ZAN: variants seen among roughly 807,000 people sequenced by gnomAD.
ZAN encodes zonadhesin (gene/pseudogene).
A neutral mutation model predicts 286.2 loss-of-function variants in ZAN; 260 were observed. That is an observed-to-expected ratio of 0.91 (90% CI 0.82 to 1.01). ZAN has a LOEUF of 1.01. ZAN is among the 50% of genes least tolerant of loss of function. ZAN has a pLI of 0.00. For synonymous variants in ZAN, 1,368 were observed against 1,417.5 expected (o/e 0.97, Z 0.79); for missense variants, 3,410 against 3,639.2 (o/e 0.94, Z 1.62).
At chr7:100,791,234 G>A in intron 40 of ZAN, 121 bp downstream of exon 40, 2 of 1,294,964 alleles carry the variant, frequency 1.5e-6, no homozygotes, top group Non-Finnish European at 2.1e-6. Flanking sequence ...AGATAGGCCT[G>A]GATCCTCCCA....
Position 100,795,189 on chromosome 7 carries a change from C to G in ZAN, c.8126-7C>G. On this transcript the variant is annotated splice_region_variant and splice_polypyrimidine_tract_variant and intron_variant, in intron 44 of 47. Coordinates refer to ENST00000613979, the MANE Select transcript of ZAN (RefSeq NM_003386.3). The stretch of plus-strand genomic sequence containing the variant: ...CCCCCCTCCCACAACCCTCTCTGTC[C>G]TTGCAGAAAGCCCGTGTCTGCAGAA... 2 of 1,606,382 alleles carry G rather than the reference C, an allele frequency of 1.2e-6. 1 individual carries two copies. The highest frequency in any genetic ancestry group is 3.4e-4 in the Middle Eastern group (2 of 5,856).
Position 100,752,059 on chromosome 7 carries a change from GA to G in ZAN, c.1959del (p.Lys653AsnfsTer348). The G allele has an allele frequency of 1.2e-6, 2 of 1,612,426 alleles. No homozygotes were observed. Among genetic ancestry groups the G allele is most frequent in the South Asian group, 2.2e-5 (2 of 90,970 alleles). ...CTCAGAAAAACCCACCATTTCCACA[GA>G]AAAACCCACCGTCCCCACAGAAGAG... ...IPSEKPTIST[E>X]KPTVPTEEPT... is the part of the protein sequence containing the mutation. On this transcript the variant is annotated frameshift_variant, in exon 14 of 48. Coordinates refer to ENST00000613979, the MANE Select transcript of ZAN (RefSeq NM_003386.3). LOFTEE classifies it high-confidence loss of function.
At chr7:100,743,150 A>C (rs1030313962) in intron 7 of ZAN, among the ~76,000 whole-genome samples, 1 of 150,646 alleles carries the variant, frequency 6.6e-6, no homozygotes, top group African/African-American at 2.4e-5. Flanking sequence ...CAGCCTCCCG[A>C]GTAGCTGGGA....
chr7:100,762,358 A>G lies in ZAN; in HGVS notation c.3986A>G (p.Glu1329Gly), dbSNP rs773538298. Residue 1329 changes from glutamate to glycine, a missense_variant and splice_region_variant, in exon 20 of 48, where the codon GAG becomes GGG. Physicochemically the swap from Glu to Gly is moderately conservative, Grantham distance 98 (BLOSUM62 -2). Transcript: ENST00000613979. Reference sequence around the variant, plus strand: ...CAGACGGACCAGGACGAGGACCAGGAGTGAGCAAGGAGCCCTCCCACCGGG... The same window carrying G: ...CAGACGGACCAGGACGAGGACCAGGGGTGAGCAAGGAGCCCTCCCACCGGG... ...SWQTDQDEDQ[E>G]CQKYQVVNSP... The G allele has an allele frequency of 3.8e-6, 6 of 1,578,114 alleles. No individual in the cohort carries two copies. The highest frequency in any genetic ancestry group is 5.2e-6 in the Non-Finnish European group (6 of 1,157,232).
intron 7 of ZAN, among the ~76,000 whole-genome samples, chr7:100,742,264 C>T (rs1414414626): frequency 8.9e-6 from 1 of 111,958 alleles, no homozygotes; most frequent in Non-Finnish European, 1.9e-5. Flanking sequence ...ACATCTCAGA[C>T]GATGGGCGGC....
chr7:100,784,040 C>T (rs1339651133), intron 35 of ZAN, among the ~76,000 whole-genome samples: 1 of 150,766 alleles, frequency 6.6e-6, no homozygotes, highest in African/African-American at 2.4e-5. Flanking sequence ...TTGCTGTCAA[C>T]ACACCTACTG....
rs745319775 is a variant in ZAN at position 100,791,124 on chromosome 7, T to A, written c.7529+11T>A. 2 of 1,607,532 alleles carry A rather than the reference T, an allele frequency of 1.2e-6. No individual in the cohort carries two copies. The highest frequency in any genetic ancestry group is 3.4e-5 in the Admixed American group (2 of 59,366). On this transcript the variant is annotated intron_variant, in intron 40 of 47. Coordinates refer to ENST00000613979, the MANE Select transcript of ZAN (RefSeq NM_003386.3). ...CCTGCGCTTCCCCAGGTGCACGGCC[T>A]GGAAGGGATGAGGCGGGGGAGGTGA...
intron 28 of ZAN, 75 bp downstream of exon 28, chr7:100,770,049 G>A: frequency 1.4e-6 from 2 of 1,407,326 alleles, no homozygotes; most frequent in Non-Finnish European, 1.9e-6. Flanking sequence ...GTCAGGGAGG[G>A]AGAAACAACA....
rs767457513 is a variant in ZAN at position 100,758,365 on chromosome 7, G to A, written c.3451+22G>A. 7.5e-6 allele frequency: 12 copies of A among 1,606,736 alleles called. No homozygotes were observed. The East Asian group carries it at 2.5e-4, about 33-fold the overall frequency. ...TACGGTGAGAGCCCCTCCCCATGCT[G>A]TCCCTGCCTGCCAGCCAGTTGGAGT... On this transcript the variant is annotated intron_variant, in intron 16 of 47. Transcript: ENST00000613979.
At chr7:100,780,103 G>C (rs562559930) in intron 35 of ZAN, among the ~76,000 whole-genome samples, 1 of 151,880 alleles carries the variant, frequency 6.6e-6, no homozygotes, top group South Asian at 2.1e-4. Context: ...TGAGGCAGGA[G>C]AATTGCTTGA....
At chr7:100,769,825 G>A in intron 27 of ZAN, 55 bp from the exon 28 acceptor site, 1 of 1,490,322 alleles carries the variant, frequency 6.7e-7, no homozygotes, top group Non-Finnish European at 9.1e-7. Context: ...GGGATTATAG[G>A]CATGAGCCAC....
At position 100,763,730 on chromosome 7, in the gene ZAN, C is replaced by G. The variant is rs1051120030; in HGVS notation, c.3987-76C>G. 1.5e-5 allele frequency: 22 copies of G among 1,482,196 alleles called. No homozygotes were observed. The highest frequency in any genetic ancestry group is 1.7e-4 in the Middle Eastern group (1 of 5,736). 91.8% of individuals were successfully genotyped at this position (1,482,196 alleles called of 1,614,324 possible). Reference sequence around the variant, plus strand: ...TGGTTTGCCGGTCCCGGCCTGCCAGCCTTGCTGCCTGCTGGGTTAGGGATG... The same window carrying G: ...TGGTTTGCCGGTCCCGGCCTGCCAGGCTTGCTGCCTGCTGGGTTAGGGATG... On this transcript the variant is annotated intron_variant, in intron 20 of 47. Transcript: ENST00000613979. The surrounding 1 kb of genome is among the most constrained non-coding windows in gnomAD (Gnocchi z 4.6).
intron 35 of ZAN, among the ~76,000 whole-genome samples, chr7:100,781,467 G>A (rs919961103): frequency 8.5e-5 from 13 of 152,122 alleles, no homozygotes; most frequent in African/African-American, 3.1e-4. Context: ...GGCAACATGA[G>A]CACAGCAGCC....
At position 100,734,225 on chromosome 7, in the gene ZAN, A is replaced by C; in HGVS notation, c.53+4A>C. The C allele has an allele frequency of 6.9e-7, 1 of 1,442,784 alleles. No individual in the cohort carries two copies. The highest frequency in any genetic ancestry group is 2.5e-5 in the East Asian group (1 of 39,912). 89.4% of individuals were successfully genotyped at this position (1,442,784 alleles called of 1,614,324 possible). On this transcript the variant is annotated splice_donor_region_variant and intron_variant, in intron 2 of 47. Transcript: ENST00000613979. ...TGGTGGGGGCTGCCCTTTTCAGGTA[A>C]GCTGGGCCCAGGGGGTAATGATAAA...
chr7:100,782,303 A>G (rs779602641), intron 35 of ZAN, among the ~76,000 whole-genome samples: 11 of 152,052 alleles, frequency 7.2e-5, no homozygotes, highest in Non-Finnish European at 1.3e-4. Flanking sequence ...GCCCCACAGA[A>G]GCTACAAAAG....
At chr7:100,791,180 C>A in intron 40 of ZAN, 67 bp downstream of exon 40, 1 of 1,539,782 alleles carries the variant, frequency 6.5e-7, no homozygotes, top group Non-Finnish European at 8.7e-7. Flanking sequence ...TGGCCGCTAG[C>A]CCTCCTGTCC....
chr7:100,767,691 C>T (rs550636794), intron 25 of ZAN, 140 bp from the exon 26 acceptor site: 209 of 949,970 alleles, frequency 2.2e-4, no homozygotes, highest in Non-Finnish European at 2.8e-4. Context: ...GTTGCCCAGG[C>T]TGATCTCGAG....
chr7:100,743,009 G>C (rs1221060277), intron 7 of ZAN, among the ~76,000 whole-genome samples: 1 of 130,432 alleles, frequency 7.7e-6, no homozygotes, highest in Admixed American at 7.6e-5. Flanking sequence ...AAAAATCCAG[G>C]CGACACTCTT....
chr7:100,752,967 A>C lies in ZAN; in HGVS notation c.2862A>C (p.Lys954Asn). The C allele has an allele frequency of 6.2e-7, 1 of 1,605,376 alleles. No individual in the cohort carries two copies. The highest frequency in any genetic ancestry group is 8.5e-7 in the Non-Finnish European group (1 of 1,177,118). ...PTEKPTISPE[K>N]LTIPTEKPTI... is the part of the protein sequence containing the mutation. ...AAAAACCCACCATCTCCCCAGAAAA[A>C]CTCACCATCCCCACAGAAAAACCCA... The change falls in exon 14 of 48, where the codon AAA (lysine) becomes AAC (asparagine). Residue 954 changes from lysine to asparagine, a missense_variant. By Grantham distance (94) the Lys-to-Asn change is moderately conservative (BLOSUM62 0). This residue lies in a region of ZAN where 1,042 missense variants were observed against 1,058.0 expected (regional missense o/e 0.98). Transcript: ENST00000613979.
Sources: gnomAD v4.1 joint callset for allele counts (sites outside exome capture counted in the v4.1 genomes callset) on GRCh38, gnomAD v4.1.1 for gene constraint, gnomAD v4.1.1 regional missense constraint, Gnocchi (gnomAD v3.1) non-coding constraint, MANE v1.5 for transcripts, NCBI Gene and HGNC (gene_info 2026-07-23, HGNC 2026-07-21) for gene names.